Variants in PDE4B observed in about 807,000 individuals in gnomAD.
PDE4B encodes the protein 3',5'-cyclic-AMP phosphodiesterase 4B.
In PDE4B, 20 loss-of-function variants were observed where a neutral mutation model predicts 82.2. That is an observed-to-expected ratio of 0.24 (90% confidence interval 0.17 to 0.35). PDE4B has a LOEUF of 0.35. PDE4B is among the 10% of genes least tolerant of loss of function. The pLI is 1.00. For missense variants in PDE4B, 655 were observed against 907.2 expected (o/e 0.72, Z 3.57); for synonymous variants, 320 against 318.9 (o/e 1.00, Z -0.04).
At chr1:66,050,549 C>T (rs547217402) in intron 3 of PDE4B, 27 of 152,116 alleles carry the variant, frequency 1.8e-4, no homozygotes, top group East Asian at 1.9e-4. Flanking sequence ...GTATGATATT[C>T]GCAATGCCGT....
intron 1 of PDE4B, among the ~76,000 whole-genome samples, chr1:65,833,762 T>G (rs538199685): frequency 6.6e-6 from 1 of 152,232 alleles, no homozygotes; most frequent in Non-Finnish European, 1.5e-5. Flanking sequence ...TAGCTAGCAG[T>G]GTACTGAACA....
At chr1:66,169,016 A>G (rs1195099301) in intron 3 of PDE4B, among the ~76,000 whole-genome samples, 1 of 152,228 alleles carries the variant, frequency 6.6e-6, no homozygotes, top group East Asian at 1.9e-4. Flanking sequence ...TCCAGAAGGA[A>G]GATAAATGAC....
intron 1 of PDE4B, among the ~76,000 whole-genome samples, chr1:65,878,175 A>G (rs1270954510): frequency 6.6e-6 from 1 of 152,238 alleles, no homozygotes; most frequent in African/African-American, 2.4e-5. Flanking sequence ...TCAAAACCAC[A>G]GTGAGATAAC....
chr1:66,228,543 G>C (rs1270974244), intron 3 of PDE4B, among the ~76,000 whole-genome samples: 1 of 151,670 alleles, frequency 6.6e-6, no homozygotes, highest in Non-Finnish European at 1.5e-5. Context: ...AGAATGGCAT[G>C]AACCCGGGAG....
chr1:65,813,415 C>A (rs974290025), intron 1 of PDE4B, among the ~76,000 whole-genome samples: 9 of 152,010 alleles, frequency 5.9e-5, no homozygotes, highest in African/African-American at 2.2e-4. Flanking sequence ...GAGTTTTGAA[C>A]GTGCAAGTTT....
chr1:66,193,798 G>A (rs1362497292), intron 3 of PDE4B, among the ~76,000 whole-genome samples: 1 of 152,058 alleles, frequency 6.6e-6, no homozygotes, highest in Non-Finnish European at 1.5e-5. Flanking sequence ...AGTAAAAGTA[G>A]TACGTTAAGT....
intron 7 of PDE4B, among the ~76,000 whole-genome samples, chr1:66,291,282 C>T (rs747204835): frequency 6.6e-6 from 1 of 151,990 alleles, no homozygotes; most frequent in Non-Finnish European, 1.5e-5. Context: ...AATAATTTTT[C>T]TCAGACCAAG....
At chr1:66,263,376 A>G (rs1012717163) in intron 6 of PDE4B, among the ~76,000 whole-genome samples, 2 of 152,256 alleles carry the variant, frequency 1.3e-5, no homozygotes, top group Admixed American at 1.3e-4. Flanking sequence ...CACAGCAACA[A>G]AAGAGAGTGC....
intron 3 of PDE4B, among the ~76,000 whole-genome samples, chr1:65,983,409 TG>T (rs1254771626): frequency 6.6e-6 from 1 of 152,174 alleles, no homozygotes; most frequent in Non-Finnish European, 1.5e-5. Context: ...TGGACGTTTA[TG>T]GGTTTGTGTC....
chr1:66,253,246 T>C (rs1412373106), intron 4 of PDE4B, among the ~76,000 whole-genome samples: 1 of 152,214 alleles, frequency 6.6e-6, no homozygotes, highest in Non-Finnish European at 1.5e-5. Flanking sequence ...TTAACCACTA[T>C]AGTATATATC....
intron 3 of PDE4B, among the ~76,000 whole-genome samples, chr1:66,089,640 T>G (rs1644973225): frequency 6.6e-6 from 1 of 152,068 alleles, no homozygotes; most frequent in Non-Finnish European, 1.5e-5. Flanking sequence ...GCCAGTCACC[T>G]TGCTACGACT....
intron 9 of PDE4B, among the ~76,000 whole-genome samples, chr1:66,358,991 G>C (rs1662534553): frequency 6.6e-6 from 1 of 152,116 alleles, no homozygotes; most frequent in Non-Finnish European, 1.5e-5. Context: ...GTCACATAAT[G>C]GGCTCCAGGT....
intron 3 of PDE4B, among the ~76,000 whole-genome samples, chr1:66,163,343 AGGG>A: frequency 6.6e-6 from 1 of 152,330 alleles, no homozygotes; most frequent in Non-Finnish European, 1.5e-5. Context: ...AATGAAGATA[AGGG>A]TACTTTTCTC....
chr1:66,162,601 A>AT (rs1050909805), intron 3 of PDE4B, among the ~76,000 whole-genome samples: 8 of 151,398 alleles, frequency 5.3e-5, no homozygotes, highest in African/African-American at 1.2e-4. Context: ...CAGATTTTGG[A>AT]TTTTTTTTCA....
rs767326726 is a variant in PDE4B at position 65,913,278 on chromosome 1, A to T, written c.-37A>T. The T allele has an allele frequency of 6.3e-6, 10 of 1,598,598 alleles. No homozygotes were observed. The South Asian group carries it at 1.1e-4, about 18-fold the overall frequency. On this transcript the variant is annotated 5_prime_UTR_variant, in exon 2 of 17. Transcript: ENST00000341517. Reference sequence around the variant, plus strand: ...AAGTGTCAGCAAACTGCATTGAATAACAGACATCCTAAGAGGGGATATTTT... The same window carrying T: ...AAGTGTCAGCAAACTGCATTGAATATCAGACATCCTAAGAGGGGATATTTT...
At chr1:65,984,067 A>T (rs1650827326) in intron 3 of PDE4B, among the ~76,000 whole-genome samples, 1 of 152,162 alleles carries the variant, frequency 6.6e-6, no homozygotes, top group African/African-American at 2.4e-5. Context: ...TTGAGCTCAA[A>T]ACTAGAAACA....
At chr1:66,129,288 G>A (rs113483707) in intron 3 of PDE4B, among the ~76,000 whole-genome samples, 1 of 152,286 alleles carries the variant, frequency 6.6e-6, no homozygotes, top group African/African-American at 2.4e-5. Context: ...ATTACAGTGG[G>A]TGGGGATAGC....
intron 7 of PDE4B, among the ~76,000 whole-genome samples, chr1:66,286,949 A>G (rs958028395): frequency 2.6e-5 from 4 of 152,168 alleles, no homozygotes; most frequent in Non-Finnish European, 2.9e-5. Context: ...TCTTAAACGT[A>G]GCAACACTAA....
At chr1:65,816,241 GAT>G (rs1645883634) in intron 1 of PDE4B, among the ~76,000 whole-genome samples, 1 of 74,462 alleles carries the variant, frequency 1.3e-5, no homozygotes, top group African/African-American at 4.0e-5. Flanking sequence ...GAGAGAGAGA[GAT>G]AGAGAGATTT....
Sources: allele counts gnomAD v4.1 joint callset (sites outside exome capture counted in the v4.1 genomes callset), GRCh38; gene constraint gnomAD v4.1.1; transcripts MANE v1.5; gene names NCBI Gene and HGNC (gene_info 2026-07-23, HGNC 2026-07-21).